The following SLC25A19 variants were observed in gnomAD, a reference collection of about 807,000 sequenced individuals.
SLC25A19 encodes the protein mitochondrial thiamine pyrophosphate carrier.
Under a neutral mutation model 27.9 loss-of-function variants are expected in SLC25A19, and 18 were observed. The observed-to-expected ratio is 0.64, with a 90% CI of 0.45 to 0.96. The LOEUF is 0.96. SLC25A19 is among the 40% of genes least tolerant of loss of function. The probability of loss-of-function intolerance (pLI) is 0.00; values close to 1 mark genes in which losing one functional copy is unlikely to be tolerated. For synonymous variants in SLC25A19, 169 were observed against 167.1 expected (o/e 1.01, Z -0.09); for missense variants, 371 against 418.3 (o/e 0.89, Z 0.99).
intron 4 of SLC25A19, among the ~76,000 whole-genome samples, chr17:75,285,702 C>T (rs889836943): frequency 3.3e-5 from 5 of 152,218 alleles, no homozygotes; most frequent in South Asian, 2.1e-4. Context: ...GGGACAACAG[C>T]CCCTACCTTA....
At chr17:75,278,025 C>T (rs1271294949) in intron 6 of SLC25A19, 127 bp downstream of exon 6, 4 of 985,650 alleles carry the variant, frequency 4.1e-6, no homozygotes, top group African/African-American at 3.2e-5. Context: ...TGCCACATTA[C>T]AGAGCCAGGT....
chr17:75,272,997 G>A lies in SLC25A19; in HGVS notation c.*454C>T. 3.0e-6 allele frequency: 1 copy of A among 332,288 alleles called. No homozygotes were observed. Among genetic ancestry groups the A allele is most frequent in the Non-Finnish European group, 5.9e-6 (1 of 168,324 alleles). The allele number at this position is 332,288 out of a possible 1,614,324, so 20.6% of individuals were successfully genotyped here. On this transcript the variant is annotated 3_prime_UTR_variant, in exon 8 of 8. Transcript: ENST00000416858. ...AGATGGAGTAAGATAAGGAATGTGT[G>A]TTTAGCTTTAATGTCTATTAAATAG...
intron 6 of SLC25A19, 123 bp downstream of exon 6, chr17:75,278,029 G>T: frequency 9.8e-7 from 1 of 1,021,308 alleles, no homozygotes; most frequent in Non-Finnish European, 1.5e-6. Context: ...ACATTACAGA[G>T]CCAGGTACAG....
intron 6 of SLC25A19, 125 bp from the exon 7 acceptor site, chr17:75,277,608 C>T (rs2077923993): frequency 9.2e-7 from 1 of 1,087,456 alleles, no homozygotes; most frequent in South Asian, 1.3e-5. Flanking sequence ...TTCTATCTGA[C>T]CTCCACTGGT....
rs1192840919 is a variant in SLC25A19 at position 75,289,428 on chromosome 17, TCTA to T, written c.-206_-204del. ...CCTCGCGCAGTCTTAACAGCAAAAC[TCTA>T]CTGAGCTCGGACGAAACTGGCGGGC... On this transcript the variant is annotated 5_prime_UTR_variant, in exon 1 of 8. Coordinates refer to ENST00000416858, the MANE Select transcript of SLC25A19 (RefSeq NM_001126121.2). The T allele has an allele frequency of 6.6e-6, 1 of 152,114 alleles. No individual in the cohort carries two copies. The highest frequency in any genetic ancestry group is 2.4e-5 in the African/African-American group (1 of 41,388). The allele number at this position is 152,114 out of a possible 1,614,324, so 9.4% of individuals were successfully genotyped here.
chr17:75,279,089 C>A (rs1452384805), intron 5 of SLC25A19, among the ~76,000 whole-genome samples: 1 of 151,678 alleles, frequency 6.6e-6, no homozygotes, highest in African/African-American at 2.4e-5. Context: ...AACTCCTGAC[C>A]TCAAGTGATC....
chr17:75,287,615 T>C (rs2078214224), intron 2 of SLC25A19: 1 of 152,220 alleles, frequency 6.6e-6, no homozygotes, highest in Admixed American at 6.5e-5. Context: ...CAACTGGTTT[T>C]CCAAGACATC....
chr17:75,288,263 A>G (rs1276428735), intron 2 of SLC25A19: 1 of 152,218 alleles, frequency 6.6e-6, no homozygotes, highest in Non-Finnish European at 1.5e-5. Flanking sequence ...TCATTTAACC[A>G]GAGTGGTCTG....
chr17:75,279,249 C>T (rs995665584), intron 5 of SLC25A19, among the ~76,000 whole-genome samples: 3 of 151,764 alleles, frequency 2.0e-5, no homozygotes, highest in Non-Finnish European at 2.9e-5. Context: ...AATCAGGGAG[C>T]GGCTGGGTAT....
At chr17:75,285,985 G>A (rs2078171588) in intron 4 of SLC25A19, among the ~76,000 whole-genome samples, 1 of 152,212 alleles carries the variant, frequency 6.6e-6, no homozygotes, top group East Asian at 1.9e-4. Context: ...AAGTTCAGAT[G>A]AACCACATAT....
Position 75,273,475 on chromosome 17 carries a change from C to T in SLC25A19, c.939G>A (p.Met313Ile). ...YEFFCNVFHC[M>I]NRTASQR Reference sequence around the variant, plus strand: ...CTCAGCGCTGGCTGGCTGTCCTGTTCATGCAGTGGAAGACATTACAGAAGA... The same window carrying T: ...CTCAGCGCTGGCTGGCTGTCCTGTTTATGCAGTGGAAGACATTACAGAAGA... Residue 313 changes from methionine to isoleucine, a missense_variant, in exon 8 of 8, where the codon ATG becomes ATA. Transcript: ENST00000416858. 6.2e-7 allele frequency: 1 copy of T among 1,614,102 alleles called. No homozygotes were observed. The highest frequency in any genetic ancestry group is 8.5e-7 in the Non-Finnish European group (1 of 1,180,042).
At chr17:75,281,425 G>A (rs2078036603) in intron 5 of SLC25A19, among the ~76,000 whole-genome samples, 1 of 152,134 alleles carries the variant, frequency 6.6e-6, no homozygotes, top group South Asian at 2.1e-4. Context: ...GGCCGGGCGT[G>A]GTGGCTCATG....
At chr17:75,273,675 G>A (rs1236884577) in intron 7 of SLC25A19, 36 bp from the exon 8 acceptor site, 13 of 1,593,146 alleles carry the variant, frequency 8.2e-6, no homozygotes, top group African/African-American at 1.3e-5. Context: ...ATGGATGCCC[G>A]CTCTGCTCCC....
chr17:75,277,154 C>T (rs777246224), intron 7 of SLC25A19, among the ~76,000 whole-genome samples, 199 bp downstream of exon 7: 17 of 152,044 alleles, frequency 1.1e-4, no homozygotes, highest in Non-Finnish European at 1.8e-4. Flanking sequence ...GTCCTTGGCC[C>T]AGATCCTTCC....
intron 4 of SLC25A19, 46 bp from the exon 5 acceptor site, chr17:75,283,639 G>A: frequency 1.3e-6 from 2 of 1,587,190 alleles, no homozygotes; most frequent in South Asian, 1.1e-5. Flanking sequence ...AAGGATGAGG[G>A]TGAGGACCAA....
chr17:75,277,552 G>C, intron 6 of SLC25A19, 69 bp from the exon 7 acceptor site: 1 of 1,583,288 alleles, frequency 6.3e-7, no homozygotes, highest in Non-Finnish European at 8.7e-7. Context: ...AACTTAAAAG[G>C]CGTCAGGGCT....
At chr17:75,288,887 A>C (rs1236445087) in intron 1 of SLC25A19, 1 of 152,232 alleles carries the variant, frequency 6.6e-6, no homozygotes, top group East Asian at 1.9e-4. Context: ...AAACCTCTCC[A>C]GGGGTTACCC....
chr17:75,276,647 A>C (rs9916709), intron 7 of SLC25A19, among the ~76,000 whole-genome samples: 114,131 of 148,274 alleles, frequency 0.77, 46,514 homozygotes, highest in East Asian at 0.99. Context: ...GGATTACAGG[A>C]GTGAGCCACC....
chr17:75,283,533 C>G lies in SLC25A19; in HGVS notation c.349G>C (p.Glu117Gln), dbSNP rs1382973486. ...VHRGSVYDAR[E>Q]FSVHFVCGGL... ...CCACATACAAAGTGCACTGAGAATT[C>G]CCGGGCGTCATACACGCTGCCTCTG... Residue 117 changes from glutamate (E) to glutamine (Q), a missense_variant, in exon 5 of 8, where the codon GAA (glutamate) becomes CAA (glutamine). Physicochemically the swap from Glu to Gln is conservative, Grantham distance 29. Coordinates refer to ENST00000416858, the MANE Select transcript of SLC25A19 (RefSeq NM_001126121.2). The G allele has an allele frequency of 6.2e-7, 1 of 1,613,588 alleles. No individual in the cohort carries two copies. Among genetic ancestry groups the G allele is most frequent in the Non-Finnish European group, 8.5e-7 (1 of 1,179,870 alleles).
Sources: allele counts gnomAD v4.1 joint callset (sites outside exome capture counted in the v4.1 genomes callset), GRCh38; gene constraint gnomAD v4.1.1; transcripts MANE v1.5; gene names NCBI Gene and HGNC (gene_info 2026-07-23, HGNC 2026-07-21).